Variants in GTF2IRD1 observed in about 807,000 individuals in gnomAD.
GTF2IRD1 encodes the protein general transcription factor II-I repeat domain-containing protein 1.
A neutral mutation model predicts 113.2 loss-of-function variants in GTF2IRD1; 26 were observed. The observed-to-expected ratio is 0.23, with a 90% CI of 0.17 to 0.32. The LOEUF is 0.32. Ranked by LOEUF, GTF2IRD1 falls within the 10% of genes least tolerant of loss-of-function variation. The pLI, the probability that GTF2IRD1 is intolerant of heterozygous loss-of-function variation, is 1.00. For missense variants in GTF2IRD1, 864 were observed against 1,280.8 expected (o/e 0.67, Z 4.97); for synonymous variants, 484 against 529.1 (o/e 0.91, Z 1.17).
intron 8 of GTF2IRD1, among the ~76,000 whole-genome samples, chr7:74,527,439 AT>A (rs1797669410): frequency 6.6e-6 from 1 of 152,204 alleles, no homozygotes; most frequent in Non-Finnish European, 1.5e-5. Context: ...GCAGTGAGCA[AT>A]GATTATGCCA....
At chr7:74,535,536 C>CA (rs773186030) in intron 10 of GTF2IRD1, among the ~76,000 whole-genome samples, 5 of 152,218 alleles carry the variant, frequency 3.3e-5, no homozygotes, top group Non-Finnish European at 5.9e-5. Context: ...AGCTGGTGAG[C>CA]ACGGGTCCCT....
chr7:74,555,889 G>A lies in GTF2IRD1; in HGVS notation c.2023+395G>A, dbSNP rs1254977939. 3.3e-5 allele frequency among the ~76,000 whole-genome samples: 5 copies of A among 152,172 alleles called. No individual in the cohort carries two copies. The highest frequency in any genetic ancestry group is 2.1e-4 in the South Asian group (1 of 4,832). The stretch of plus-strand genomic sequence containing the variant: ...TTGGGAAGGTCAAGGTGGGAGGATC[G>A]CTTGAGGCTGGGAGCTCGAGACAAG... On this transcript the variant is annotated intron_variant, in intron 19 of 26. Transcript: ENST00000424337. The surrounding 1 kb of genome is among the most constrained non-coding windows in gnomAD (Gnocchi z 5.3).
chr7:74,596,322 A>T (rs1554372257), intron 25 of GTF2IRD1, among the ~76,000 whole-genome samples: 1 of 151,830 alleles, frequency 6.6e-6, no homozygotes, highest in Non-Finnish European at 1.5e-5. Flanking sequence ...TTAGCCAGGC[A>T]TGGTGGCACG....
intron 22 of GTF2IRD1, chr7:74,571,270 A>ATGCACTCCAGG: frequency 5.0e-6 from 1 of 201,830 alleles, no homozygotes; most frequent in Non-Finnish European, 8.8e-6. Context: ...GCCACCCTGG[A>ATGCACTCCAGG]GTGCATGACC....
chr7:74,507,656 G>C (rs1192416228), intron 1 of GTF2IRD1: 2 of 179,470 alleles, frequency 1.1e-5, no homozygotes, highest in Admixed American at 5.5e-5. Flanking sequence ...GGGGGAACTG[G>C]AGTGAGGGAC....
At chr7:74,564,914 G>A (rs1446734802) in intron 22 of GTF2IRD1, among the ~76,000 whole-genome samples, 2 of 152,172 alleles carry the variant, frequency 1.3e-5, no homozygotes, top group African/African-American at 4.8e-5. Flanking sequence ...AGGCATACTT[G>A]GACTTGGACC....
At chr7:74,542,645 C>T (rs1798696391) in intron 14 of GTF2IRD1, among the ~76,000 whole-genome samples, 1 of 152,236 alleles carries the variant, frequency 6.6e-6, no homozygotes, top group Non-Finnish European at 1.5e-5. Context: ...CCAGCACAAA[C>T]TGGGCATGAC....
chr7:74,522,689 G>A (rs112772750), intron 7 of GTF2IRD1, among the ~76,000 whole-genome samples: 1 of 152,184 alleles, frequency 6.6e-6, no homozygotes. Flanking sequence ...ATCATGACAG[G>A]CCCATGGGCC....
At chr7:74,474,486 G>C (rs983592870) in intron 1 of GTF2IRD1, among the ~76,000 whole-genome samples, 3 of 152,210 alleles carry the variant, frequency 2.0e-5, no homozygotes, top group African/African-American at 7.2e-5. Context: ...CTGGATTGTG[G>C]TTGACAGTGA....
At chr7:74,565,904 A>G (rs901845992) in intron 22 of GTF2IRD1, among the ~76,000 whole-genome samples, 3 of 151,912 alleles carry the variant, frequency 2.0e-5, no homozygotes, top group Non-Finnish European at 2.9e-5. Flanking sequence ...GGGTCACTTG[A>G]GCCCAGGAGT....
At chr7:74,478,305 C>T (rs1024228018) in intron 1 of GTF2IRD1, among the ~76,000 whole-genome samples, 2 of 152,218 alleles carry the variant, frequency 1.3e-5, no homozygotes, top group African/African-American at 4.8e-5. Context: ...TCCCCGTCAT[C>T]ACTGCTGTTA....
chr7:74,518,193 G>A lies in GTF2IRD1; in HGVS notation c.476G>A (p.Arg159Lys), dbSNP rs1554345075. Residue 159 changes from arginine (R) to lysine (K), a missense_variant, in exon 5 of 27, where the codon AGG (arginine) becomes AAG (lysine). Transcript: ENST00000424337. ...VVPLPYERLL[R>K]EPGLLAVQGL... ...CCACTGCCCTATGAGAGGCTGCTCA[G>A]GGAGCCAGGGCTGCTGGCCGTGCAG... is the stretch of plus-strand genomic sequence containing the variant. 9 of 1,610,310 alleles carry A rather than the reference G, an allele frequency of 5.6e-6. No individual in the cohort carries two copies. The highest frequency in any genetic ancestry group is 7.6e-6 in the Non-Finnish European group (9 of 1,178,776).
chr7:74,468,899 A>G (rs1227267561), intron 1 of GTF2IRD1, among the ~76,000 whole-genome samples: 1 of 151,662 alleles, frequency 6.6e-6, no homozygotes, highest in East Asian at 1.9e-4. Flanking sequence ...CCTGGCTAAC[A>G]TGGTGAAACC....
At chr7:74,520,839 A>ATTAT (rs1199756991) in intron 6 of GTF2IRD1, among the ~76,000 whole-genome samples, 12 of 95,896 alleles carry the variant, frequency 1.3e-4, no homozygotes, top group African/African-American at 4.4e-4. Context: ...TAAGTTATAT[A>ATTAT]TACTATTATT....
chr7:74,570,408 C>G (rs1800630218), intron 22 of GTF2IRD1, among the ~76,000 whole-genome samples: 1 of 150,718 alleles, frequency 6.6e-6, no homozygotes, highest in Non-Finnish European at 1.5e-5. Flanking sequence ...GCCTGTAATC[C>G]CAGCACTTCG....
rs541310999 is a variant in GTF2IRD1, at chr7:74,462,001, G to A, written c.-7+7825G>A. Among the ~76,000 whole-genome samples the A allele has an allele frequency of 3.3e-5, 5 of 152,318 alleles. No individual in the cohort carries two copies. The East Asian group carries it at 7.7e-4, about 23-fold the overall frequency. Reference sequence around the variant, plus strand: ...AAGACATAGAACAGCGCTTTGGGAGGCTGAGGCGGGAGGATGGCTTGAGGC... The same window carrying A: ...AAGACATAGAACAGCGCTTTGGGAGACTGAGGCGGGAGGATGGCTTGAGGC... On this transcript the variant is annotated intron_variant, in intron 1 of 26. Transcript: ENST00000424337.
chr7:74,591,378 T>G (rs1353551183), intron 24 of GTF2IRD1, among the ~76,000 whole-genome samples: 2 of 141,170 alleles, frequency 1.4e-5, no homozygotes, highest in Admixed American at 7.0e-5. Flanking sequence ...GATTCTCTTT[T>G]TTTTTTTTTT....
At position 74,602,467 on chromosome 7, in the gene GTF2IRD1, G is replaced by A. The variant is rs1802815693; in HGVS notation, c.*34G>A. 1 of 1,566,180 alleles carries A rather than the reference G, an allele frequency of 6.4e-7. No homozygotes were observed. The highest frequency in any genetic ancestry group is 1.7e-4 in the Middle Eastern group (1 of 5,976). On this transcript the variant is annotated 3_prime_UTR_variant, in exon 27 of 27. Transcript: ENST00000424337. ...ACTGAATCAGGACCTCACTCAGAAA[G>A]ACTAAAGGAAATGTAATTTATGTAC...
At chr7:74,545,523 G>A (rs1443235489) in intron 15 of GTF2IRD1, among the ~76,000 whole-genome samples, 3 of 152,058 alleles carry the variant, frequency 2.0e-5, no homozygotes, top group East Asian at 3.9e-4. Context: ...TCAGGCTGGC[G>A]GTGCCCTAGA....
Sources: allele counts gnomAD v4.1 joint callset (sites outside exome capture counted in the v4.1 genomes callset), GRCh38; gene constraint gnomAD v4.1.1; non-coding constraint Gnocchi (gnomAD v3.1); transcripts MANE v1.5; gene names NCBI Gene and HGNC (gene_info 2026-07-23, HGNC 2026-07-21).